The following ATP11A variants were observed in gnomAD, a reference collection of about 807,000 sequenced individuals.
ATP11A encodes the protein ATPase phospholipid transporting 11A, also known as phospholipid-transporting ATPase IH.
A neutral mutation model predicts 154.4 loss-of-function variants in ATP11A; 81 were observed. That is an observed-to-expected ratio of 0.52 (90% CI 0.44 to 0.63). The LOEUF (loss-of-function observed/expected upper bound fraction) is 0.63. Ranked by LOEUF, ATP11A falls within the 30% of genes least tolerant of loss-of-function variation. The probability of loss-of-function intolerance (pLI) is 0.00; values close to 1 mark genes in which losing one functional copy is unlikely to be tolerated. For synonymous variants in ATP11A, 623 were observed against 585.9 expected (o/e 1.06, Z -0.91); for missense variants, 1,316 against 1,474.3 (o/e 0.89, Z 1.76).
At chr13:112,796,963 C>T (rs1291203950) in intron 2 of ATP11A, among the ~76,000 whole-genome samples, 1 of 152,090 alleles carries the variant, frequency 6.6e-6, no homozygotes, top group Non-Finnish European at 1.5e-5. Context: ...CTGTGGACAA[C>T]TACAATAGGT....
intron 1 of ATP11A, among the ~76,000 whole-genome samples, chr13:112,764,681 C>T (rs1057336147): frequency 4.6e-5 from 7 of 152,222 alleles, no homozygotes; most frequent in South Asian, 2.1e-4. Flanking sequence ...ATTAAGTCAC[C>T]GCATTCAAAG....
At chr13:112,721,240 C>T (rs1377601196) in intron 1 of ATP11A, among the ~76,000 whole-genome samples, 1 of 152,110 alleles carries the variant, frequency 6.6e-6, no homozygotes, top group Non-Finnish European at 1.5e-5. Context: ...TTGCTGGAAC[C>T]CTCTGCCCCG....
chr13:112,862,747 C>T (rs1449942435), intron 25 of ATP11A, among the ~76,000 whole-genome samples, 172 bp downstream of exon 25: 4 of 148,902 alleles, frequency 2.7e-5, no homozygotes, highest in Non-Finnish European at 5.9e-5. Flanking sequence ...CCAGCGGGGT[C>T]CATCACCACA....
At chr13:112,773,387 CTG>C (rs1157772826) in intron 1 of ATP11A, among the ~76,000 whole-genome samples, 1 of 152,240 alleles carries the variant, frequency 6.6e-6, no homozygotes, top group African/African-American at 2.4e-5. Context: ...CCGCCTCTCT[CTG>C]TATCGACCAA....
chr13:112,695,951 TC>T (rs1475642111), intron 1 of ATP11A, among the ~76,000 whole-genome samples: 1 of 152,242 alleles, frequency 6.6e-6, no homozygotes, highest in Non-Finnish European at 1.5e-5. Context: ...GGGATGATTT[TC>T]TCTTTCACTT....
At chr13:112,728,565 T>C (rs749806664) in intron 1 of ATP11A, among the ~76,000 whole-genome samples, 2 of 147,838 alleles carry the variant, frequency 1.4e-5, no homozygotes, top group African/African-American at 2.5e-5. Flanking sequence ...CTGTGTTACC[T>C]GTATGTACCG....
Position 112,816,202 on chromosome 13 carries a change from C to T in ATP11A, c.561C>T (p.Ser187=). ...CCACCGCCAGCTTGGATGGAGAATCCAGCCATAAAGTAAGGGGCCTTTTCA... is the reference window on the plus strand; with the variant it reads ...CCACCGCCAGCTTGGATGGAGAATCTAGCCATAAAGTAAGGGGCCTTTTCA... The part of the protein sequence containing the change: ...HVTTASLDGE[S]SHKTHYAVQD... Residue 187 remains serine, a synonymous_variant, in exon 6 of 30, where the codon TCC becomes TCT. Transcript: ENST00000375645. The T allele has an allele frequency of 2.5e-6, 4 of 1,614,132 alleles. No individual in the cohort carries two copies. Among genetic ancestry groups the T allele is most frequent in the Non-Finnish European group, 3.4e-6 (4 of 1,180,020 alleles).
intron 11 of ATP11A, among the ~76,000 whole-genome samples, 156 bp from the exon 12 acceptor site, chr13:112,826,538 C>T (rs974985228): frequency 1.3e-5 from 2 of 151,128 alleles, no homozygotes; most frequent in African/African-American, 5.0e-5. Context: ...CAGTGGCTGC[C>T]TTCCGCCCAT....
intron 22 of ATP11A, chr13:112,858,966 AC>A: frequency 3.9e-6 from 1 of 254,652 alleles, no homozygotes; most frequent in South Asian, 4.7e-5. Context: ...CTGGGAATGT[AC>A]CCCTGAGGAT....
At chr13:112,744,190 G>C (rs1282336237) in intron 1 of ATP11A, among the ~76,000 whole-genome samples, 1 of 152,176 alleles carries the variant, frequency 6.6e-6, no homozygotes, top group Admixed American at 6.5e-5. Flanking sequence ...ACCCGGTTTG[G>C]GACGGTCTGG....
Position 112,872,075 on chromosome 13 carries a change from G to T in ATP11A, c.3057+275G>T, listed in dbSNP as rs187931656. On this transcript the variant is annotated intron_variant, in intron 26 of 29. Transcript: ENST00000375645. Reference sequence around the variant, plus strand: ...GGGAGCAAGCTGCTTCTTTGTGAAAGAATTCAGGCTAGAATTGTTTTCAGT... The same window carrying T: ...GGGAGCAAGCTGCTTCTTTGTGAAATAATTCAGGCTAGAATTGTTTTCAGT... Among the ~76,000 whole-genome samples the T allele has an allele frequency of 1.5e-3, 221 of 152,308 alleles. 1 individual carries two copies. The highest frequency in any genetic ancestry group is 5.1e-3 in the African/African-American group (212 of 41,552).
intron 2 of ATP11A, among the ~76,000 whole-genome samples, chr13:112,795,116 T>C (rs1256295271): frequency 6.8e-6 from 1 of 146,846 alleles, no homozygotes; most frequent in Non-Finnish European, 1.5e-5. Context: ...TCTTGGGGGG[T>C]TGCCTGTAAT....
chr13:112,769,071 G>T (rs1358080781), intron 1 of ATP11A, among the ~76,000 whole-genome samples: 2 of 152,174 alleles, frequency 1.3e-5, no homozygotes, highest in African/African-American at 2.4e-5. Context: ...GAACTGCTAT[G>T]GGGGGAAGGT....
At chr13:112,865,479 A>T (rs907269086) in intron 25 of ATP11A, among the ~76,000 whole-genome samples, 3 of 152,218 alleles carry the variant, frequency 2.0e-5, no homozygotes, top group African/African-American at 7.2e-5. Context: ...GCTCTGGGTC[A>T]CTTTAAAGAT....
At chr13:112,820,894 A>T (rs1392956006) in intron 8 of ATP11A, among the ~76,000 whole-genome samples, 1 of 152,038 alleles carries the variant, frequency 6.6e-6, no homozygotes, top group Non-Finnish European at 1.5e-5. Flanking sequence ...AACTACTGCA[A>T]AGTGAATAGT....
intron 1 of ATP11A, among the ~76,000 whole-genome samples, chr13:112,714,448 C>T (rs919912439): frequency 2.0e-5 from 3 of 152,136 alleles, no homozygotes; most frequent in Non-Finnish European, 2.9e-5. Context: ...ACCTGAAGGA[C>T]AGCCCTTCCC....
intron 2 of ATP11A, among the ~76,000 whole-genome samples, chr13:112,791,094 C>A (rs2077841449): frequency 1.3e-5 from 2 of 152,198 alleles, no homozygotes; most frequent in Admixed American, 6.5e-5. Flanking sequence ...AAGATGGTTT[C>A]CAAGCTTATA....
At chr13:112,805,081 A>G (rs915946592) in intron 3 of ATP11A, 35 bp downstream of exon 3, 1 of 1,462,452 alleles carries the variant, frequency 6.8e-7, no homozygotes, top group African/African-American at 1.4e-5. Context: ...CTCATCACAT[A>G]TAAATCTAAA....
At chr13:112,806,672 G>A (rs1160590382) in intron 4 of ATP11A, among the ~76,000 whole-genome samples, 3 of 151,632 alleles carry the variant, frequency 2.0e-5, no homozygotes, top group Non-Finnish European at 2.9e-5. Context: ...TTTTGGTTTT[G>A]CTTTTTTTTT....
Sources: allele counts gnomAD v4.1 joint callset (sites outside exome capture counted in the v4.1 genomes callset), GRCh38; gene constraint gnomAD v4.1.1; transcripts MANE v1.5; gene names NCBI Gene and HGNC (gene_info 2026-07-23, HGNC 2026-07-21).